Variants in SH3PXD2B observed in about 807,000 individuals in gnomAD.
The protein encoded by SH3PXD2B is SH3 and PX domain-containing protein 2B.
SH3PXD2B carries 37 observed loss-of-function variants against 73.1 expected under a neutral mutation model. The observed-to-expected ratio is 0.51, with a 90% CI of 0.39 to 0.67. The LOEUF (loss-of-function observed/expected upper bound fraction) is 0.67, where lower values mean the gene tolerates loss of function less well. SH3PXD2B is among the 30% of genes least tolerant of loss of function. SH3PXD2B has a pLI of 0.00. For missense variants in SH3PXD2B, 1,053 were observed against 1,197.8 expected (o/e 0.88, Z 1.78); for synonymous variants, 457 against 480.5 (o/e 0.95, Z 0.64).
Position 172,406,273 on chromosome 5 carries a change from C to T in SH3PXD2B, c.232+4G>A, listed in dbSNP as rs79926304. The T allele has an allele frequency of 3.7e-3, 5,917 of 1,613,944 alleles. 28 individuals are homozygous for T. Among genetic ancestry groups the T allele is most frequent in the African/African-American group, 0.023 (1,713 of 74,992 alleles). ...CCCAGTCTGAGAGCACCCATCTCAC[C>T]TACCTGGCAGAAAGGGGATGATCCG... On this transcript the variant is annotated splice_donor_region_variant and intron_variant, in intron 3 of 12. Transcript: ENST00000311601.
At chr5:172,437,534 C>G (rs1023144541) in intron 1 of SH3PXD2B, among the ~76,000 whole-genome samples, 2 of 152,302 alleles carry the variant, frequency 1.3e-5, no homozygotes, top group East Asian at 1.9e-4. Flanking sequence ...AAAGCCTCTT[C>G]ACTTTCTTCT....
At chr5:172,381,280 C>T (rs1757938054) in intron 5 of SH3PXD2B, among the ~76,000 whole-genome samples, 1 of 152,034 alleles carries the variant, frequency 6.6e-6, no homozygotes, top group Admixed American at 6.5e-5. Context: ...CCCAGACGGA[C>T]CCCAAACTCT....
chr5:172,340,493 A>G (rs984731022), intron 12 of SH3PXD2B, among the ~76,000 whole-genome samples: 7 of 152,170 alleles, frequency 4.6e-5, no homozygotes, highest in Non-Finnish European at 8.8e-5. Flanking sequence ...CTACAATTCT[A>G]AAGACAAGGC....
intron 2 of SH3PXD2B, among the ~76,000 whole-genome samples, chr5:172,409,243 G>A (rs979354312): frequency 1.3e-5 from 2 of 151,938 alleles, no homozygotes; most frequent in South Asian, 2.1e-4. Flanking sequence ...TTAGCTGGGC[G>A]TGGTGGCGGG....
Position 172,406,272 on chromosome 5 carries a change from C to T in SH3PXD2B, c.232+5G>A. The T allele has an allele frequency of 6.2e-7, 1 of 1,613,978 alleles. No homozygotes were observed. The highest frequency in any genetic ancestry group is 8.5e-7 in the Non-Finnish European group (1 of 1,179,946). On this transcript the variant is annotated splice_donor_5th_base_variant and intron_variant, in intron 3 of 12. Transcript: ENST00000311601. The stretch of plus-strand genomic sequence containing the variant: ...TCCCAGTCTGAGAGCACCCATCTCA[C>T]CTACCTGGCAGAAAGGGGATGATCC...
At chr5:172,451,964 A>C (rs1759806107) in intron 1 of SH3PXD2B, among the ~76,000 whole-genome samples, 1 of 152,216 alleles carries the variant, frequency 6.6e-6, no homozygotes, top group African/African-American at 2.4e-5. Context: ...GGGCCTCTTG[A>C]ATCACATGAG....
intron 1 of SH3PXD2B, among the ~76,000 whole-genome samples, chr5:172,430,470 G>A (rs1014768125): frequency 6.6e-6 from 1 of 152,230 alleles, no homozygotes; most frequent in Admixed American, 6.5e-5. Context: ...ATGGGTGCCT[G>A]TGGGGAAGGC....
intron 8 of SH3PXD2B, among the ~76,000 whole-genome samples, chr5:172,356,134 A>G (rs1467192569): frequency 6.6e-6 from 1 of 151,786 alleles, no homozygotes; most frequent in African/African-American, 2.4e-5. Flanking sequence ...AAGTGACCCT[A>G]CTGGGTCAGC....
downstream of SH3PXD2B, among the ~76,000 whole-genome samples, chr5:172,329,394 A>AT (rs559354426): frequency 4.3e-3 from 659 of 151,614 alleles, 5 homozygotes; most frequent in African/African-American, 0.015. Flanking sequence ...ACATATTAAC[A>AT]TTTTTATTGA....
intron 12 of SH3PXD2B, among the ~76,000 whole-genome samples, chr5:172,325,891 G>T (rs1466339969): frequency 1.3e-5 from 2 of 152,218 alleles, no homozygotes; most frequent in African/African-American, 2.4e-5. Flanking sequence ...GGTTTCAAGC[G>T]ATTCTCCTGC....
intron 1 of SH3PXD2B, among the ~76,000 whole-genome samples, chr5:172,449,737 A>G (rs1012984180): frequency 3.3e-5 from 5 of 152,230 alleles, no homozygotes; most frequent in African/African-American, 9.6e-5. Context: ...GCAAGAACAG[A>G]GAGCAAAGGG....
intron 2 of SH3PXD2B, among the ~76,000 whole-genome samples, chr5:172,417,247 C>A (rs1758847565): frequency 6.6e-6 from 1 of 152,208 alleles, no homozygotes; most frequent in Non-Finnish European, 1.5e-5. Flanking sequence ...TCCCGAATAG[C>A]CTGGTCATGT....
intron 8 of SH3PXD2B, among the ~76,000 whole-genome samples, chr5:172,355,820 A>T (rs1217249644): frequency 1.3e-5 from 2 of 152,050 alleles, no homozygotes; most frequent in African/African-American, 4.8e-5. Context: ...CTGGGACTAT[A>T]GGTGTGAGCC....
chr5:172,336,761 C>T lies in SH3PXD2B; in HGVS notation c.*1608G>A, dbSNP rs1233545872. On this transcript the variant is annotated 3_prime_UTR_variant, in exon 13 of 13. Coordinates refer to ENST00000311601, the MANE Select transcript of SH3PXD2B (RefSeq NM_001017995.3). ...GGGTAGAATGGGAAGGGGTTCTGCTCTGCTCTCTTACTCTGGGCTGGGAGC... is the reference window on the plus strand; with the variant it reads ...GGGTAGAATGGGAAGGGGTTCTGCTTTGCTCTCTTACTCTGGGCTGGGAGC... 2 of 985,588 alleles carry T rather than the reference C, an allele frequency of 2.0e-6. No individual in the cohort carries two copies. The highest frequency in any genetic ancestry group is 2.4e-6 in the Non-Finnish European group (2 of 830,220). The allele number at this position is 985,588 out of a possible 1,614,324, so 61.1% of individuals were successfully genotyped here.
intron 3 of SH3PXD2B, among the ~76,000 whole-genome samples, chr5:172,395,296 CAAT>C (rs1312618355): frequency 2.0e-5 from 3 of 152,214 alleles, no homozygotes; most frequent in African/African-American, 7.2e-5. Context: ...CATTTTGTGA[CAAT>C]AATGTTTGAT....
At chr5:172,379,421 C>T (rs1757895014) in intron 5 of SH3PXD2B, among the ~76,000 whole-genome samples, 1 of 152,072 alleles carries the variant, frequency 6.6e-6, no homozygotes, top group African/African-American at 2.4e-5. Flanking sequence ...CTTCACCAGG[C>T]ACTGAAATAG....
chr5:172,347,415 TGCA>T (rs1581264654), intron 10 of SH3PXD2B, 83 bp from the exon 11 acceptor site: 3 of 1,412,884 alleles, frequency 2.1e-6, no homozygotes, highest in East Asian at 4.6e-5. Flanking sequence ...TATTTTCTCC[TGCA>T]GAAGATTGAA....
Position 172,355,738 on chromosome 5 carries a change from G to C in SH3PXD2B, c.668-1733C>G, listed in dbSNP as rs187978216. On this transcript the variant is annotated intron_variant, in intron 8 of 12. Transcript: ENST00000311601. ...TTTTTGTATTTTTAGTAGAGACGGG[G>C]TTTCACCGTGTTAGCCGGGATGGTC... 9.1e-3 allele frequency among the ~76,000 whole-genome samples: 1,379 copies of C among 152,006 alleles called. 13 individuals are homozygous for C. Among genetic ancestry groups the C allele is most frequent in the African/African-American group, 0.024 (1,010 of 41,476 alleles).
At chr5:172,438,544 C>T (rs2731688) in intron 1 of SH3PXD2B, among the ~76,000 whole-genome samples, 37,445 of 152,046 alleles carry the variant, frequency 0.25, 5,435 homozygotes, top group Non-Finnish European at 0.33. Context: ...TAACAATGCT[C>T]GTGAAATAGC....
Sources: allele counts gnomAD v4.1 joint callset (sites outside exome capture counted in the v4.1 genomes callset), GRCh38; gene constraint gnomAD v4.1.1; transcripts MANE v1.5; gene names NCBI Gene and HGNC (gene_info 2026-07-23, HGNC 2026-07-21).